Variants in ELF1 observed in about 807,000 individuals in gnomAD.
ELF1 encodes ETS-related transcription factor Elf-1.
Under a neutral mutation model 59.9 loss-of-function variants are expected in ELF1, and 24 were observed. The observed-to-expected ratio is 0.40, with a 90% CI of 0.29 to 0.56. The LOEUF (loss-of-function observed/expected upper bound fraction) is 0.56, where lower values mean the gene tolerates loss of function less well. ELF1 is among the 20% of genes least tolerant of loss of function. The pLI is 0.44. For synonymous variants in ELF1, 248 were observed against 266.2 expected, an observed-to-expected ratio of 0.93 and a Z score of 0.67; for missense variants, 627 against 742.2, an observed-to-expected ratio of 0.84 and a Z score of 1.80.
At chr13:41,034,706 T>A (rs1409331618) in intron 1 of ELF1, among the ~76,000 whole-genome samples, 1 of 151,646 alleles carries the variant, frequency 6.6e-6, no homozygotes, top group East Asian at 1.9e-4. Flanking sequence ...TTATAATTTT[T>A]ACAATTCTAT....
At chr13:40,950,010 T>G (rs1385363104) in intron 4 of ELF1, 37 bp from the exon 5 acceptor site, 1 of 1,518,294 alleles carries the variant, frequency 6.6e-7, no homozygotes, top group Non-Finnish European at 8.9e-7. Context: ...TAGTCCACTG[T>G]GTATTATAAG....
chr13:41,060,547 T>G (rs533598569), intron 1 of ELF1, among the ~76,000 whole-genome samples: 7 of 152,150 alleles, frequency 4.6e-5, no homozygotes, highest in Admixed American at 1.3e-4. Flanking sequence ...GCGCATTCGC[T>G]TCTCCAGCAG....
At chr13:40,972,876 A>G (rs1872655287) in intron 2 of ELF1, among the ~76,000 whole-genome samples, 1 of 152,142 alleles carries the variant, frequency 6.6e-6, no homozygotes, top group Non-Finnish European at 1.5e-5. Flanking sequence ...CTGAACACAC[A>G]CTAATCAATC....
upstream of ELF1, among the ~76,000 whole-genome samples, chr13:41,023,306 A>G (rs1180368054): frequency 6.6e-6 from 1 of 152,176 alleles, no homozygotes; most frequent in East Asian, 1.9e-4. Context: ...GAATACTCTA[A>G]TTTCCATATC....
At chr13:41,052,547 T>C (rs1877128051) in intron 1 of ELF1, among the ~76,000 whole-genome samples, 1 of 152,146 alleles carries the variant, frequency 6.6e-6, no homozygotes, top group Admixed American at 6.5e-5. Flanking sequence ...GATCACCAAG[T>C]ATTTTGAAAG....
intron 1 of ELF1, among the ~76,000 whole-genome samples, chr13:41,008,706 A>T (rs988724741): frequency 3.9e-5 from 6 of 152,200 alleles, no homozygotes; most frequent in Non-Finnish European, 5.9e-5. Flanking sequence ...TTTGTTGATG[A>T]GCTTTGGTGT....
intron 1 of ELF1, among the ~76,000 whole-genome samples, chr13:41,009,752 G>GA (rs892064863): frequency 2.0e-5 from 3 of 151,572 alleles, no homozygotes; most frequent in African/African-American, 4.8e-5. Flanking sequence ...TTCTCATTGG[G>GA]AAAAAAAACT....
intron 2 of ELF1, among the ~76,000 whole-genome samples, chr13:40,974,368 T>C (rs114340125): frequency 0.012 from 1,831 of 152,298 alleles, 25 homozygotes; most frequent in East Asian, 0.05. Flanking sequence ...CAGTGGCTAG[T>C]ATTATTCAAT....
chr13:40,936,864 T>C (rs1410622936), intron 8 of ELF1, among the ~76,000 whole-genome samples: 1 of 151,718 alleles, frequency 6.6e-6, no homozygotes, highest in Non-Finnish European at 1.5e-5. Context: ...GGAGAACTGC[T>C]TGAACCAGGA....
At chr13:40,967,714 C>CCCAA (rs1160858138) in intron 2 of ELF1, among the ~76,000 whole-genome samples, 1 of 152,048 alleles carries the variant, frequency 6.6e-6, no homozygotes, top group African/African-American at 2.4e-5. Context: ...GCCTCAGTCT[C>CCCAA]CCAAGTAGCT....
In ELF1 at chr13:41,015,582, G is replaced by A. The variant is rs529310618; in HGVS notation, c.-229+3646C>T. ...TAAGCACCTATGTCATAATCATTTA[G>A]GGTACACAGTAAAAAATGCTGATTG... On this transcript the variant is annotated intron_variant, in intron 1 of 8. Coordinates refer to ENST00000239882, the MANE Select transcript of ELF1 (RefSeq NM_172373.4). 2.6e-5 allele frequency among the ~76,000 whole-genome samples: 4 copies of A among 152,244 alleles called. No individual in the cohort carries two copies. In the South Asian group the frequency reaches 6.2e-4, roughly 24 times the overall value.
At chr13:41,060,941 C>CGCCGCCGCCGCCGCT (rs1877571480) in exon 1 of ELF1, 1 of 240,404 alleles carries the variant, frequency 4.2e-6, no homozygotes. Flanking sequence ...CCGCCGCCGC[C>CGCCGCCGCCGCCGCT]GCCGCTGCTG....
chr13:40,948,805 CTT>C (rs1414105168), intron 5 of ELF1, among the ~76,000 whole-genome samples: 4 of 152,166 alleles, frequency 2.6e-5, no homozygotes, highest in Admixed American at 1.3e-4. Flanking sequence ...CAACTGGAGT[CTT>C]ATACTGGAAT....
At chr13:41,010,246 T>TA (rs1190005342) in intron 1 of ELF1, among the ~76,000 whole-genome samples, 2 of 56,112 alleles carry the variant, frequency 3.6e-5, no homozygotes, top group East Asian at 4.2e-4. Flanking sequence ...TACCCACCAA[T>TA]AAAAAAATAA....
In ELF1 at chr13:40,940,992, G is replaced by C; in HGVS notation, c.1185C>G (p.Val395=). 1 of 1,614,174 alleles carries C rather than the reference G, an allele frequency of 6.2e-7. No homozygotes were observed. Among genetic ancestry groups the C allele is most frequent in the Non-Finnish European group, 8.5e-7 (1 of 1,180,026 alleles). ...TGGTTCTAGCTGCTTCTCCCTCTGG[G>C]ACAGCCTGTACTGGCTGTACTACAT... The part of the protein sequence containing the change: ...TVHVVQPVQA[V]PEGEAARTST... The change falls in exon 8 of 9, where the codon GTC becomes GTG. Residue 395 remains valine, a synonymous_variant. Transcript: ENST00000239882.
At chr13:40,987,093 G>T (rs113928377) in intron 1 of ELF1, among the ~76,000 whole-genome samples, 27,150 of 149,560 alleles carry the variant, frequency 0.18, 2,641 homozygotes, top group African/African-American at 0.22. Context: ...CCGCCACCAC[G>T]CCCGGCTAAT....
At chr13:40,941,896 C>T (rs971817160) in intron 7 of ELF1, among the ~76,000 whole-genome samples, 1 of 152,062 alleles carries the variant, frequency 6.6e-6, no homozygotes, top group Non-Finnish European at 1.5e-5. Context: ...CAGGCTGAAA[C>T]GATCCTTCCT....
chr13:40,953,996 T>C (rs1334167144), intron 3 of ELF1, among the ~76,000 whole-genome samples: 9 of 152,216 alleles, frequency 5.9e-5, no homozygotes, highest in Admixed American at 5.9e-4. Context: ...AGCCTTACCC[T>C]AAGGCTTTAA....
At chr13:40,962,969 T>C (rs1871938181) in intron 2 of ELF1, among the ~76,000 whole-genome samples, 1 of 152,184 alleles carries the variant, frequency 6.6e-6, no homozygotes, top group South Asian at 2.1e-4. Context: ...CACACTAAAA[T>C]GGGAGAGTAG....
Sources: allele counts gnomAD v4.1 joint callset (sites outside exome capture counted in the v4.1 genomes callset), GRCh38; gene constraint gnomAD v4.1.1; transcripts MANE v1.5; gene names NCBI Gene and HGNC (gene_info 2026-07-23, HGNC 2026-07-21).